The following CCDC175 variants were observed in gnomAD, a reference collection of about 807,000 sequenced individuals.
The protein encoded by CCDC175 is coiled-coil domain containing 175.
Under a neutral mutation model 114.6 loss-of-function variants are expected in CCDC175, and 100 were observed. The observed-to-expected ratio is 0.87, with a 90% CI of 0.74 to 1.03. CCDC175 has a LOEUF of 1.03. CCDC175 is among the 50% of genes least tolerant of loss of function. The pLI is 0.00. For synonymous variants in CCDC175, 306 were observed against 308.7 expected (o/e 0.99, Z 0.09); for missense variants, 880 against 917.8 (o/e 0.96, Z 0.53).
chr14:59,519,699 C>T (rs114154157), intron 17 of CCDC175, among the ~76,000 whole-genome samples: 2,644 of 152,278 alleles, frequency 0.017, 81 homozygotes, highest in African/African-American at 0.06. Context: ...AAGTTTTTTT[C>T]CCTGACATGA....
intron 18 of CCDC175, among the ~76,000 whole-genome samples, chr14:59,511,423 CA>C (rs1176535730): frequency 1.3e-5 from 2 of 151,820 alleles, no homozygotes; most frequent in South Asian, 4.2e-4. Context: ...CCAGAACTGA[CA>C]ACTTTGTCCT....
chr14:59,509,977 C>T (rs1892653732), intron 19 of CCDC175, among the ~76,000 whole-genome samples: 1 of 152,184 alleles, frequency 6.6e-6, no homozygotes, highest in Non-Finnish European at 1.5e-5. Context: ...ACTCTGTTCT[C>T]TTTCCTTCTC....
At chr14:59,534,388 A>G (rs567905574) in intron 13 of CCDC175, among the ~76,000 whole-genome samples, 1 of 152,314 alleles carries the variant, frequency 6.6e-6, no homozygotes, top group African/African-American at 2.4e-5. Context: ...AGCGTTGGAA[A>G]AGAGAGACCA....
chr14:59,511,940 G>T, intron 17 of CCDC175, 137 bp from the exon 18 acceptor site: 1 of 640,564 alleles, frequency 1.6e-6, no homozygotes, highest in Non-Finnish European at 2.7e-6. Flanking sequence ...CAGAATAACT[G>T]AATTGGACCT....
chr14:59,568,193 A>T (rs929404454), intron 4 of CCDC175, 52 bp downstream of exon 4: 2 of 1,473,666 alleles, frequency 1.4e-6, no homozygotes, highest in Non-Finnish European at 1.8e-6. Flanking sequence ...CAATTTTCCC[A>T]CTCCAGCCTC....
chr14:59,538,967 G>C (rs886748171), intron 11 of CCDC175, 127 bp from the exon 12 acceptor site: 40 of 751,032 alleles, frequency 5.3e-5, no homozygotes, highest in Admixed American at 3.3e-4. Context: ...TAGTGTTGCA[G>C]ACTACACACA....
chr14:59,549,141 T>C (rs1265454992), intron 8 of CCDC175, among the ~76,000 whole-genome samples: 2 of 152,236 alleles, frequency 1.3e-5, no homozygotes, highest in African/African-American at 4.8e-5. Flanking sequence ...GTGAATTTTA[T>C]ATCCTGGTTG....
chr14:59,514,591 T>G (rs1000961359), intron 17 of CCDC175, among the ~76,000 whole-genome samples: 2 of 151,956 alleles, frequency 1.3e-5, no homozygotes, highest in African/African-American at 2.4e-5. Context: ...ATGAATGAAA[T>G]GAAGCGAGAA....
Position 59,565,181 on chromosome 14 carries a change from T to C in CCDC175, c.586A>G (p.Asn196Asp), listed in dbSNP as rs924079288. Residue 196 changes from asparagine (N) to aspartate (D), a missense_variant, in exon 5 of 20, where the codon AAT becomes GAT. Asn to Asp is a conservative substitution (Grantham distance 23, BLOSUM62 1). Transcript: ENST00000537690. ...EKKATTTVYI[N>D]ETYTKINLKR... ...AAGTTTATTTTGGTATAAGTCTCAT[T>C]TATGTAAACAGTGGTGGTGGCTTTT... 1 of 1,537,750 alleles carries C rather than the reference T, an allele frequency of 6.5e-7. No homozygotes were observed. Among genetic ancestry groups the C allele is most frequent in the African/African-American group, 1.4e-5 (1 of 73,038 alleles).
intron 7 of CCDC175, among the ~76,000 whole-genome samples, chr14:59,559,946 C>T (rs965791149): frequency 2.4e-4 from 37 of 152,086 alleles, no homozygotes; most frequent in African/African-American, 6.8e-4. Context: ...ATTTCATCAA[C>T]GTAGTGAGGT....
chr14:59,553,535 G>A (rs1895666259), intron 7 of CCDC175, among the ~76,000 whole-genome samples: 1 of 152,156 alleles, frequency 6.6e-6, no homozygotes, highest in Non-Finnish European at 1.5e-5. Flanking sequence ...GACCATCGAG[G>A]CTAGGAAGAA....
In CCDC175 at chr14:59,567,407, G is replaced by T. The variant is rs570197415; in HGVS notation, c.491+838C>A. On this transcript the variant is annotated intron_variant, in intron 4 of 19. Transcript: ENST00000537690. ...CTGATTTCTGATGTTTATTATCTGGGACACCAGGCAACCCTCTGATTATTT... is the reference window on the plus strand; with the variant it reads ...CTGATTTCTGATGTTTATTATCTGGTACACCAGGCAACCCTCTGATTATTT... Among the ~76,000 whole-genome samples, 8 of 152,248 alleles carry T rather than the reference G, an allele frequency of 5.3e-5. No individual in the cohort carries two copies. The East Asian group carries it at 1.5e-3, about 29-fold the overall frequency.
intron 4 of CCDC175, among the ~76,000 whole-genome samples, chr14:59,567,312 A>G (rs1896613083): frequency 6.6e-6 from 1 of 152,136 alleles, no homozygotes; most frequent in Non-Finnish European, 1.5e-5. Flanking sequence ...TCTTTTGTGG[A>G]GCATCTCCCA....
intron 14 of CCDC175, among the ~76,000 whole-genome samples, chr14:59,530,755 T>A (rs929778002): frequency 1.3e-5 from 2 of 152,216 alleles, no homozygotes; most frequent in African/African-American, 4.8e-5. Flanking sequence ...TCCATATGAA[T>A]GTCCCATTTT....
chr14:59,557,594 A>G (rs1177813060), intron 7 of CCDC175, among the ~76,000 whole-genome samples: 1 of 150,966 alleles, frequency 6.6e-6, no homozygotes, highest in East Asian at 2.0e-4. Context: ...GTGCACATGT[A>G]CTCTAGAACT....
chr14:59,538,693 C>A lies in CCDC175; in HGVS notation c.1491+12G>T. 1 of 1,526,132 alleles carries A rather than the reference C, an allele frequency of 6.6e-7. No homozygotes were observed. Among genetic ancestry groups the A allele is most frequent in the South Asian group, 1.2e-5 (1 of 81,512 alleles). 94.5% of individuals were successfully genotyped at this position (1,526,132 alleles called of 1,614,324 possible). A position where few individuals can be genotyped will look rare whatever the true frequency, so the allele number is the denominator to read the frequency against. ...GTAGGGGACTAATTCTAAGTTCTTT[C>A]AGTTCTCTTACCTCGTTAAGTAATT... On this transcript the variant is annotated intron_variant, in intron 12 of 19. Transcript: ENST00000537690.
At chr14:59,540,767 G>C in intron 10 of CCDC175, 21 bp from the exon 11 acceptor site, 1 of 1,495,548 alleles carries the variant, frequency 6.7e-7, no homozygotes, top group Non-Finnish European at 8.9e-7. Context: ...AAACATATTG[G>C]ATTTTGCATT....
At position 59,510,668 on chromosome 14, in the gene CCDC175, C is replaced by G. The variant is rs1348545569; in HGVS notation, c.2283G>C (p.Gln761His). 6.5e-7 allele frequency: 1 copy of G among 1,537,134 alleles called. No individual in the cohort carries two copies. The highest frequency in any genetic ancestry group is 2.0e-5 in the Admixed American group (1 of 50,994). ...SLEGLRLLVE[Q>H]ESPMDLLKKK... The stretch of plus-strand genomic sequence containing the variant: ...TACTAAGAAGGTCCATTGGTGATTC[C>G]TGTTCCACAAGCAAACGCAGCCCTT... Residue 761 changes from glutamine to histidine, a missense_variant, in exon 19 of 20, where the codon CAG (glutamine) becomes CAC (histidine). Transcript: ENST00000537690.
rs1453092233 is a variant in CCDC175 at position 59,531,876 on chromosome 14, T to A, written c.1658A>T (p.Glu553Val). The change falls in exon 14 of 20, where the codon GAA becomes GTA. Residue 553 changes from glutamate to valine, a missense_variant. Transcript: ENST00000537690. ...ATACTCAACTAGTTCTTCTTCCTTT[T>A]CTTTGTTAATTTGTGTTTCCTTAAC... ...IFVKETQINK[E>V]KEEELVEYLP... 7.8e-7 allele frequency: 1 copy of A among 1,279,516 alleles called. No homozygotes were observed. The highest frequency in any genetic ancestry group is 2.5e-5 in the East Asian group (1 of 39,568). 79.3% of individuals were successfully genotyped at this position (1,279,516 alleles called of 1,614,324 possible).
Sources: allele counts gnomAD v4.1 joint callset (sites outside exome capture counted in the v4.1 genomes callset), GRCh38; gene constraint gnomAD v4.1.1; transcripts MANE v1.5; gene names NCBI Gene and HGNC (gene_info 2026-07-23, HGNC 2026-07-21).